Variants in PDZRN3 observed in about 807,000 individuals in gnomAD.
The protein encoded by PDZRN3 is E3 ubiquitin-protein ligase PDZRN3.
Under a neutral mutation model 85.7 loss-of-function variants are expected in PDZRN3, and 38 were observed. That is an observed-to-expected ratio of 0.44 (90% CI 0.34 to 0.58). The LOEUF is 0.58. Ranked by LOEUF, PDZRN3 falls within the 20% of genes least tolerant of loss-of-function variation. The pLI is 0.01. For missense variants in PDZRN3, 1,629 were observed against 1,506.4 expected, an observed-to-expected ratio of 1.08 and a Z score of -1.35; for synonymous variants, 759 against 638.0, an observed-to-expected ratio of 1.19 and a Z score of -2.86.
At chr3:73,563,014 T>TATATATATATATATATATATATATATA (rs1491432587) in intron 3 of PDZRN3, among the ~76,000 whole-genome samples, 1 of 20,308 alleles carries the variant, frequency 4.9e-5, no homozygotes, top group African/African-American at 1.8e-4. Flanking sequence ...TATATATATA[T>TATATATATATATATATATATATATATA]TTTTTTTTTT....
At chr3:73,608,536 C>T in intron 2 of PDZRN3, 62 bp downstream of exon 2, 1 of 1,158,150 alleles carries the variant, frequency 8.6e-7, no homozygotes, top group Non-Finnish European at 1.3e-6. Flanking sequence ...CCCCTTCAAA[C>T]CTTGACCTCT....
intron 3 of PDZRN3, among the ~76,000 whole-genome samples, chr3:73,545,761 A>C (rs1194609432): frequency 6.6e-6 from 1 of 152,204 alleles, no homozygotes; most frequent in African/African-American, 2.4e-5. Flanking sequence ...TTTTCTGATG[A>C]AAATGCTTTT....
intron 3 of PDZRN3, among the ~76,000 whole-genome samples, chr3:73,602,061 T>C (rs2106895867): frequency 6.6e-6 from 1 of 152,292 alleles, no homozygotes; most frequent in South Asian, 2.1e-4. Flanking sequence ...ATCCAACTCT[T>C]CAACGGTTTT....
intron 3 of PDZRN3, among the ~76,000 whole-genome samples, chr3:73,446,067 A>G (rs889836939): frequency 1.3e-5 from 2 of 152,242 alleles, no homozygotes; most frequent in African/African-American, 4.8e-5. Context: ...GTGCTGGGTG[A>G]TATCAACTAG....
At chr3:73,583,291 C>A (rs1702227252) in intron 3 of PDZRN3, among the ~76,000 whole-genome samples, 1 of 152,180 alleles carries the variant, frequency 6.6e-6, no homozygotes, top group Non-Finnish European at 1.5e-5. Flanking sequence ...GCTAGCTTAC[C>A]CTTATCCACT....
chr3:73,550,602 T>C (rs1345049052), intron 3 of PDZRN3, among the ~76,000 whole-genome samples: 1 of 152,208 alleles, frequency 6.6e-6, no homozygotes, highest in Non-Finnish European at 1.5e-5. Flanking sequence ...CAGCAGACAT[T>C]GCCAATAACT....
chr3:73,603,876 CACACACACAT>C (rs910420662), intron 2 of PDZRN3, among the ~76,000 whole-genome samples: 8 of 103,538 alleles, frequency 7.7e-5, no homozygotes, highest in South Asian at 4.7e-4. Flanking sequence ...CCCAAACACA[CACACACACAT>C]ACACACACAC....
intron 3 of PDZRN3, among the ~76,000 whole-genome samples, chr3:73,492,874 TATC>T (rs1453033133): frequency 1.3e-5 from 2 of 152,122 alleles, no homozygotes; most frequent in Non-Finnish European, 2.9e-5. Flanking sequence ...TGTATTGAAA[TATC>T]ATATGTACCA....
At chr3:73,438,712 C>T (rs1403785176) in intron 3 of PDZRN3, among the ~76,000 whole-genome samples, 6 of 152,182 alleles carry the variant, frequency 3.9e-5, no homozygotes, top group African/African-American at 9.7e-5. Context: ...GTCTTCTTCC[C>T]GGGTGGAACC....
At chr3:73,506,787 C>A (rs545620033) in intron 3 of PDZRN3, among the ~76,000 whole-genome samples, 6 of 151,782 alleles carry the variant, frequency 4.0e-5, no homozygotes, top group Non-Finnish European at 8.8e-5. Context: ...ATGCCTGTAA[C>A]CCCAGTACTT....
intron 3 of PDZRN3, among the ~76,000 whole-genome samples, chr3:73,553,007 T>C (rs563439782): frequency 6.6e-6 from 1 of 152,170 alleles, no homozygotes; most frequent in Admixed American, 6.5e-5. Context: ...CAGGTGACTC[T>C]AGTCCAGATA....
intron 3 of PDZRN3, chr3:73,433,618 G>A (rs1702475212): frequency 1.3e-6 from 2 of 1,487,262 alleles, no homozygotes. Context: ...CACTTCTATG[G>A]AATAAAATGC....
intron 5 of PDZRN3, among the ~76,000 whole-genome samples, chr3:73,391,771 T>C (rs561716053): frequency 3.9e-5 from 6 of 152,254 alleles, no homozygotes; most frequent in Non-Finnish European, 5.9e-5. Context: ...AGTCAGAACT[T>C]TGGAAATTGT....
intron 3 of PDZRN3, among the ~76,000 whole-genome samples, chr3:73,468,707 A>G (rs889047279): frequency 2.6e-5 from 4 of 152,168 alleles, no homozygotes; most frequent in Non-Finnish European, 5.9e-5. Flanking sequence ...TTTTAAAAGC[A>G]CCCCCACCCA....
At chr3:73,416,892 T>TTTTTTTTTTTTTTTTTTTG (rs1702100724) in intron 3 of PDZRN3, among the ~76,000 whole-genome samples, 1 of 124,980 alleles carries the variant, frequency 8.0e-6, no homozygotes, top group African/African-American at 3.1e-5. Flanking sequence ...TTTTTTTTTT[T>TTTTTTTTTTTTTTTTTTTG]TTTTTTTTTT....
chr3:73,457,778 C>A (rs1703017373), intron 3 of PDZRN3, among the ~76,000 whole-genome samples: 1 of 152,152 alleles, frequency 6.6e-6, no homozygotes, highest in African/African-American at 2.4e-5. Flanking sequence ...TAAGAGGCCC[C>A]AGAAAGCACC....
rs141860719 is a variant in PDZRN3 at position 73,561,940 on chromosome 3, C to A, written c.918+40414G>T. ...TTTTTTTTTTTTTTTGCTGGAAAAG[C>A]TGTTTGTTTTTCATTAGGAATTCAT... On this transcript the variant is annotated intron_variant, in intron 3 of 9. Coordinates refer to ENST00000263666, the MANE Select transcript of PDZRN3 (RefSeq NM_015009.3). 1.8e-3 allele frequency among the ~76,000 whole-genome samples: 262 copies of A among 147,328 alleles called. 1 individual carries two copies. The highest frequency in any genetic ancestry group is 6.2e-3 in the African/African-American group (246 of 39,804).
At chr3:73,500,967 T>G (rs1313160101) in intron 3 of PDZRN3, among the ~76,000 whole-genome samples, 3 of 152,192 alleles carry the variant, frequency 2.0e-5, no homozygotes, top group Admixed American at 2.0e-4. Context: ...AAGTCTGGTC[T>G]CCCATGACAG....
intron 3 of PDZRN3, among the ~76,000 whole-genome samples, chr3:73,416,878 T>G (rs1406429427): frequency 7.2e-3 from 78 of 10,830 alleles, no homozygotes; most frequent in African/African-American, 0.038. Context: ...TTTTTTTGGT[T>G]TTTTTTTTTT....
Sources: allele counts gnomAD v4.1 joint callset (sites outside exome capture counted in the v4.1 genomes callset), GRCh38; gene constraint gnomAD v4.1.1; transcripts MANE v1.5; gene names NCBI Gene and HGNC (gene_info 2026-07-23, HGNC 2026-07-21).